The following APBA1 variants were observed in gnomAD, a reference collection of about 807,000 sequenced individuals.
APBA1 encodes the protein amyloid beta precursor protein binding family A member 1, also known as amyloid-beta A4 precursor protein-binding family A member 1.
APBA1 carries 55 observed loss-of-function variants against 86.6 expected under a neutral mutation model. That is an observed-to-expected ratio of 0.64 (90% CI 0.51 to 0.80). The LOEUF (loss-of-function observed/expected upper bound fraction) is 0.80. APBA1 is among the 30% of genes least tolerant of loss of function. APBA1 has a pLI of 0.00. For synonymous variants in APBA1, 511 were observed against 493.9 expected, an observed-to-expected ratio of 1.03 and a Z score of -0.46; for missense variants, 1,090 against 1,183.0, an observed-to-expected ratio of 0.92 and a Z score of 1.15.
At chr9:69,476,224 A>T (rs1835444319) in intron 2 of APBA1, 81 bp from the exon 3 acceptor site, 1 of 1,004,550 alleles carries the variant, frequency 1.0e-6, no homozygotes, top group African/African-American at 1.6e-5. Context: ...GCCGGGAGAG[A>T]GAAGCAAAGC....
chr9:69,483,193 T>C (rs1835550787), intron 2 of APBA1, among the ~76,000 whole-genome samples: 1 of 149,340 alleles, frequency 6.7e-6, no homozygotes, highest in Admixed American at 6.7e-5. Context: ...GCAATGGTCC[T>C]CTGAGAGGAA....
intron 2 of APBA1, among the ~76,000 whole-genome samples, chr9:69,486,081 A>G (rs775431572): frequency 1.3e-5 from 2 of 151,770 alleles, no homozygotes; most frequent in Non-Finnish European, 2.9e-5. Flanking sequence ...CCTCCCAAGT[A>G]GCTGGGACTA....
intron 2 of APBA1, among the ~76,000 whole-genome samples, chr9:69,481,301 A>C (rs940637373): frequency 6.6e-6 from 1 of 152,082 alleles, no homozygotes; most frequent in East Asian, 1.9e-4. Flanking sequence ...TCAATGTGCA[A>C]AAATCACAAG....
chr9:69,519,764 T>G (rs1209784313), intron 1 of APBA1, among the ~76,000 whole-genome samples: 3 of 152,232 alleles, frequency 2.0e-5, no homozygotes, highest in Admixed American at 2.0e-4. Flanking sequence ...AAATGGCTGT[T>G]CTTTAGCTTG....
chr9:69,436,181 G>C (rs1217001780), intron 11 of APBA1, among the ~76,000 whole-genome samples: 1 of 149,952 alleles, frequency 6.7e-6, no homozygotes. Context: ...GGTTACTATA[G>C]CCTTGTAGTA....
chr9:69,477,221 C>G (rs995194594), intron 2 of APBA1, among the ~76,000 whole-genome samples: 6 of 151,542 alleles, frequency 4.0e-5, no homozygotes, highest in Non-Finnish European at 8.8e-5. Context: ...GGGTTCATCT[C>G]ACTAGGGAGT....
chr9:69,566,092 C>T (rs1371192036), intron 1 of APBA1, among the ~76,000 whole-genome samples: 1 of 152,248 alleles, frequency 6.6e-6, no homozygotes, highest in African/African-American at 2.4e-5. Flanking sequence ...AGCCTCCGCT[C>T]ATTCTCCAGA....
rs1257831643 is a variant in APBA1 at position 69,429,473 on chromosome 9, G to C, written c.*1854C>G. The C allele has an allele frequency of 2.6e-5, 4 of 152,340 alleles. No individual in the cohort carries two copies. Among genetic ancestry groups the C allele is most frequent in the Admixed American group, 6.5e-5 (1 of 15,288 alleles). 9.4% of individuals were successfully genotyped at this position (152,340 alleles called of 1,614,324 possible). ...GGTGCCACTCTCTGCAGCAGCAGAA[G>C]TCCCTTTCCCCCCAGGGCACCTGGG... is the stretch of plus-strand genomic sequence containing the variant. On this transcript the variant is annotated 3_prime_UTR_variant, in exon 13 of 13. Coordinates refer to ENST00000265381, the MANE Select transcript of APBA1 (RefSeq NM_001163.4).
At chr9:69,520,685 C>T (rs543528601) in intron 1 of APBA1, among the ~76,000 whole-genome samples, 174 of 152,322 alleles carry the variant, frequency 1.1e-3, no homozygotes, top group African/African-American at 4.1e-3. Context: ...CCCACCCTCG[C>T]TCTCAAACTG....
At chr9:69,623,183 C>A (rs1822855060) in intron 1 of APBA1, among the ~76,000 whole-genome samples, 1 of 152,046 alleles carries the variant, frequency 6.6e-6, no homozygotes, top group South Asian at 2.1e-4. Flanking sequence ...TGTTTTGAAA[C>A]ATGGATCTTG....
Position 69,467,855 on chromosome 9 carries a change from T to C in APBA1, c.1450A>G (p.Met484Val), listed in dbSNP as rs771543344. The change falls in exon 5 of 13, where the codon ATG (methionine) becomes GTG (valine). Residue 484 changes from methionine to valine, a missense_variant. By Grantham distance (21) the Met-to-Val change is conservative. This residue lies in a region of APBA1 where 76 missense variants were observed against 122.2 expected (regional missense o/e 0.62). Transcript: ENST00000265381. ...CTGCTTACGGCTTCCTGGGCCTGCA[T>C]CATGCGCACGTTTTTGGAAGGAGTT... ...DKTPSKNVRM[M>V]QAQEAVSRIK... 5.0e-6 allele frequency: 8 copies of C among 1,614,048 alleles called. No homozygotes were observed. Among genetic ancestry groups the C allele is most frequent in the Non-Finnish European group, 5.9e-6 (7 of 1,180,040 alleles).
chr9:69,658,272 C>CTTTTTCTTTCTT (rs1491183538), intron 1 of APBA1, among the ~76,000 whole-genome samples: 1 of 85,492 alleles, frequency 1.2e-5, no homozygotes, highest in Non-Finnish European at 2.4e-5. Flanking sequence ...TTCTTTCTTT[C>CTTTTTCTTTCTT]TTTCTTTCTT....
At chr9:69,436,698 A>G (rs1834729244) in intron 11 of APBA1, among the ~76,000 whole-genome samples, 1 of 151,826 alleles carries the variant, frequency 6.6e-6, no homozygotes, top group Non-Finnish European at 1.5e-5. Flanking sequence ...GGTTTTCTAG[A>G]TATACAATCA....
intron 1 of APBA1, among the ~76,000 whole-genome samples, chr9:69,541,253 C>CG (rs1836605038): frequency 9.9e-6 from 1 of 100,742 alleles, no homozygotes; most frequent in East Asian, 4.9e-4. Context: ...TTTTAGGGAC[C>CG]CCCCCCCCCA....
chr9:69,639,952 T>C (rs934955836), intron 1 of APBA1, among the ~76,000 whole-genome samples: 2 of 152,066 alleles, frequency 1.3e-5, no homozygotes, highest in African/African-American at 4.8e-5. Context: ...TACTAATTTA[T>C]ATAAAACACA....
chr9:69,540,305 T>C (rs1588350387), intron 1 of APBA1, among the ~76,000 whole-genome samples: 1 of 152,168 alleles, frequency 6.6e-6, no homozygotes, highest in South Asian at 2.1e-4. Flanking sequence ...CATGACTGTG[T>C]CCCTAGTGTC....
intron 1 of APBA1, among the ~76,000 whole-genome samples, chr9:69,658,268 CTTTCTTTCTTTCTT>C (rs1251647558): frequency 0.022 from 1,908 of 88,218 alleles, 35 homozygotes; most frequent in Middle Eastern, 0.035. Flanking sequence ...TTCTTTCTTT[CTTTCTTTCTTTCTT>C]TCTCTCTCTC....
At chr9:69,621,338 T>A (rs1045830897) in intron 1 of APBA1, among the ~76,000 whole-genome samples, 1 of 152,204 alleles carries the variant, frequency 6.6e-6, no homozygotes, top group Non-Finnish European at 1.5e-5. Context: ...TTTCTGGTAC[T>A]TCAACACCAC....
At chr9:69,632,150 G>C (rs1198433189) in intron 1 of APBA1, among the ~76,000 whole-genome samples, 1 of 151,930 alleles carries the variant, frequency 6.6e-6, no homozygotes, top group East Asian at 1.9e-4. Flanking sequence ...AAAGGGAAGA[G>C]AAAGAAAAGC....
Sources: gnomAD v4.1 joint callset for allele counts (sites outside exome capture counted in the v4.1 genomes callset) on GRCh38, gnomAD v4.1.1 for gene constraint, gnomAD v4.1.1 regional missense constraint, MANE v1.5 for transcripts, NCBI Gene and HGNC (gene_info 2026-07-23, HGNC 2026-07-21) for gene names.